VPS53: variants seen among roughly 807,000 people sequenced by gnomAD.
The protein encoded by VPS53 is VPS53 subunit of GARP complex.
A neutral mutation model predicts 107.0 loss-of-function variants in VPS53; 70 were observed. The ratio of observed to expected loss-of-function variants is 0.65; its 90% CI spans 0.54 to 0.80. VPS53 has a LOEUF of 0.80. Ranked by LOEUF, VPS53 falls within the 30% of genes least tolerant of loss-of-function variation. VPS53 has a pLI of 0.00. For synonymous variants in VPS53, 409 were observed against 393.3 expected (o/e 1.04, Z -0.47); for missense variants, 917 against 1,049.4 (o/e 0.87, Z 1.74).
At chr17:587,881 C>T (rs1967405694) in intron 12 of VPS53, among the ~76,000 whole-genome samples, 1 of 151,992 alleles carries the variant, frequency 6.6e-6, no homozygotes, top group South Asian at 2.1e-4. Flanking sequence ...TTTTAAAAGC[C>T]CTACATAATT....
chr17:634,387 G>A (rs1182359722), intron 7 of VPS53, among the ~76,000 whole-genome samples: 1 of 152,010 alleles, frequency 6.6e-6, no homozygotes, highest in Admixed American at 6.5e-5. Flanking sequence ...AAATTATTAT[G>A]TACACCTTAT....
intron 4 of VPS53, among the ~76,000 whole-genome samples, chr17:682,012 T>C (rs1354855310): frequency 2.6e-5 from 4 of 151,048 alleles, no homozygotes; most frequent in Non-Finnish European, 4.4e-5. Context: ...ACATGCTGTT[T>C]TGGTTGAAAA....
In VPS53 at chr17:579,204, G is replaced by A. The variant is rs143300748; in HGVS notation, c.1313+7066C>T. On this transcript the variant is annotated intron_variant, in intron 13 of 21. Coordinates refer to ENST00000437048, the MANE Select transcript of VPS53 (RefSeq NM_001128159.3). ...GAGAATCTCCCTCAGAACCTAATGC[G>A]TTCCCAGAGAACCTCCCTCAGAACC... Among the ~76,000 whole-genome samples, 105 of 143,078 alleles carry A rather than the reference G, an allele frequency of 7.3e-4. 1 individual carries two copies. Among genetic ancestry groups the A allele is most frequent in the African/African-American group, 2.2e-3 (84 of 38,184 alleles). 93.9% of individuals were successfully genotyped at this position (143,078 alleles called of 152,430 possible). A position where few individuals can be genotyped will look rare whatever the true frequency, so the allele number is the denominator to read the frequency against.
chr17:511,842 C>G lies in VPS53; in HGVS notation c.*7286G>C, dbSNP rs1907962562. 1 of 152,234 alleles carries G rather than the reference C, an allele frequency of 6.6e-6. No homozygotes were observed. The highest frequency in any genetic ancestry group is 1.5e-5 in the Non-Finnish European group (1 of 68,048). The allele number at this position is 152,234 out of a possible 1,614,324, so 9.4% of individuals were successfully genotyped here. A position where few individuals can be genotyped will look rare whatever the true frequency, so the allele number is the denominator to read the frequency against. Reference sequence around the variant, plus strand: ...TTTTTGTCCCTGTCGGGAGAAGAGTCTGGTCTGTGGACACCAGACACCTAA... The same window carrying G: ...TTTTTGTCCCTGTCGGGAGAAGAGTGTGGTCTGTGGACACCAGACACCTAA... On this transcript the variant is annotated 3_prime_UTR_variant, in exon 22 of 22. Coordinates refer to ENST00000437048, the MANE Select transcript of VPS53 (RefSeq NM_001128159.3).
At chr17:531,708 G>A (rs956974997) in intron 19 of VPS53, among the ~76,000 whole-genome samples, 4 of 151,436 alleles carry the variant, frequency 2.6e-5, no homozygotes, top group African/African-American at 9.7e-5. Flanking sequence ...TGTTGCCCAG[G>A]CTGGTCTTGA....
intron 15 of VPS53, among the ~76,000 whole-genome samples, chr17:556,420 T>A (rs1023304414): frequency 6.6e-6 from 1 of 152,220 alleles, no homozygotes; most frequent in East Asian, 1.9e-4. Flanking sequence ...AAGTGGTATA[T>A]GGGAACCATA....
intron 6 of VPS53, among the ~76,000 whole-genome samples, chr17:654,465 G>A (rs1217363432): frequency 2.6e-5 from 4 of 152,126 alleles, no homozygotes; most frequent in Admixed American, 1.3e-4. Context: ...TTGGCCGGGC[G>A]CGGTGGCTCA....
At chr17:658,213 TCC>T (rs1971281756) in intron 5 of VPS53, among the ~76,000 whole-genome samples, 1 of 80,464 alleles carries the variant, frequency 1.2e-5, no homozygotes, top group Non-Finnish European at 3.3e-5. Context: ...GATAGATACA[TCC>T]CATTGAAGTG....
chr17:604,724 G>A (rs906455086), intron 11 of VPS53, among the ~76,000 whole-genome samples: 2 of 152,206 alleles, frequency 1.3e-5, no homozygotes, highest in African/African-American at 4.8e-5. Context: ...AATTACAGGC[G>A]TGAGCCACCA....
intron 7 of VPS53, among the ~76,000 whole-genome samples, chr17:641,270 A>T (rs76350622): frequency 1.3e-5 from 2 of 152,350 alleles, no homozygotes; most frequent in African/African-American, 4.8e-5. Flanking sequence ...ATGCATTTTC[A>T]GGGTAAGATG....
chr17:543,923 G>A (rs1910937591), intron 17 of VPS53, among the ~76,000 whole-genome samples: 2 of 106,938 alleles, frequency 1.9e-5, no homozygotes, highest in Non-Finnish European at 3.9e-5. Flanking sequence ...GGAGGGGACA[G>A]GGGAAGGGAG....
chr17:623,383 TATC>T (rs1418852735), intron 11 of VPS53, 147 bp downstream of exon 11: 6 of 890,380 alleles, frequency 6.7e-6, no homozygotes, highest in African/African-American at 1.7e-5. Flanking sequence ...GAGTGTTCTG[TATC>T]ATCACTTTCC....
At chr17:646,427 A>G (rs11867888) in intron 7 of VPS53, among the ~76,000 whole-genome samples, 377 of 20,980 alleles carry the variant, frequency 0.018, no homozygotes, top group Middle Eastern at 0.058. Flanking sequence ...TTTCTAATCC[A>G]TACCACTGAC....
intron 12 of VPS53, among the ~76,000 whole-genome samples, chr17:592,605 G>A (rs567341697): frequency 6.6e-6 from 1 of 152,276 alleles, no homozygotes; most frequent in African/African-American, 2.4e-5. Flanking sequence ...AAATCTCTCA[G>A]CAGTTGCCTG....
At position 519,620 on chromosome 17, in the gene VPS53, G is replaced by A. The variant is rs535581639; in HGVS notation, c.2328+206C>T. 3.9e-5 allele frequency among the ~76,000 whole-genome samples: 6 copies of A among 152,290 alleles called. No individual in the cohort carries two copies. The East Asian group carries it at 1.2e-3, about 29-fold the overall frequency. On this transcript the variant is annotated intron_variant, in intron 21 of 21. Transcript: ENST00000437048. The surrounding 1 kb of genome is among the most constrained non-coding windows in gnomAD (Gnocchi z 5.0). ...TCCTCCCTGTGCAGGTGGTCTCAGC[G>A]GGGCATGCAGGGCCTGTCAGAATCC...
At chr17:653,129 T>C (rs1156578183) in intron 7 of VPS53, 162 bp downstream of exon 7, 10 of 985,332 alleles carry the variant, frequency 1.0e-5, no homozygotes, top group Non-Finnish European at 1.2e-5. Context: ...CTGCCGGATC[T>C]GTGGAATCCC....
chr17:640,638 C>T (rs1481296855), intron 7 of VPS53, among the ~76,000 whole-genome samples: 1 of 151,834 alleles, frequency 6.6e-6, no homozygotes, highest in Admixed American at 6.6e-5. Context: ...CAAGTCACTT[C>T]CTCTCTGTGG....
intron 7 of VPS53, among the ~76,000 whole-genome samples, chr17:640,498 G>C (rs78872961): frequency 0.066 from 10,113 of 152,118 alleles, 504 homozygotes; most frequent in Middle Eastern, 0.15. Flanking sequence ...CGTTCAAGCT[G>C]GGAGCTGTAG....
At chr17:526,233 AAATC>A (rs942387291) in intron 19 of VPS53, among the ~76,000 whole-genome samples, 29 of 152,156 alleles carry the variant, frequency 1.9e-4, no homozygotes, top group African/African-American at 6.8e-4. Flanking sequence ...AGGAAAAAAA[AAATC>A]AGTCATTATA....
Sources: allele counts gnomAD v4.1 joint callset (sites outside exome capture counted in the v4.1 genomes callset), GRCh38; gene constraint gnomAD v4.1.1; non-coding constraint Gnocchi (gnomAD v3.1); transcripts MANE v1.5; gene names NCBI Gene and HGNC (gene_info 2026-07-23, HGNC 2026-07-21).